PLCXD3: variants seen among roughly 807,000 people sequenced by gnomAD.
The protein encoded by PLCXD3 is PI-PLC X domain-containing protein 3.
Under a neutral mutation model 25.5 loss-of-function variants are expected in PLCXD3, and 19 were observed. The observed-to-expected ratio is 0.75, with a 90% CI of 0.52 to 1.09. The LOEUF (loss-of-function observed/expected upper bound fraction) is 1.09, where lower values mean the gene tolerates loss of function less well. Ranked by LOEUF, PLCXD3 falls within the 50% of genes least tolerant of loss-of-function variation. The pLI, the probability that PLCXD3 is intolerant of heterozygous loss-of-function variation, is 0.00. For synonymous variants in PLCXD3, 174 were observed against 137.6 expected, an observed-to-expected ratio of 1.26 and a Z score of -1.85; for missense variants, 411 against 388.1, an observed-to-expected ratio of 1.06 and a Z score of -0.50.
At chr5:41,504,187 T>C (rs1226222619) in intron 1 of PLCXD3, among the ~76,000 whole-genome samples, 1 of 152,080 alleles carries the variant, frequency 6.6e-6, no homozygotes, top group African/African-American at 2.4e-5. Flanking sequence ...CCACTCTAGA[T>C]TTGTCTAAAG....
Position 41,483,889 on chromosome 5 carries a change from A to T in PLCXD3, c.103+26535T>A, listed in dbSNP as rs989511449. Among the ~76,000 whole-genome samples, 35 of 152,120 alleles carry T rather than the reference A, an allele frequency of 2.3e-4. 1 individual carries two copies. Among genetic ancestry groups the T allele is most frequent in the African/African-American group, 7.7e-4 (32 of 41,426 alleles). On this transcript the variant is annotated intron_variant, in intron 1 of 2. Coordinates refer to ENST00000377801, the MANE Select transcript of PLCXD3 (RefSeq NM_001005473.3). ...CTCCCCTATCCAAAATACTGTCAAC[A>T]CCACTAACACACACAAAATTAAATG...
chr5:41,413,364 G>T (rs1746610947), intron 1 of PLCXD3, among the ~76,000 whole-genome samples: 1 of 152,180 alleles, frequency 6.6e-6, no homozygotes, highest in Non-Finnish European at 1.5e-5. Flanking sequence ...GAACTTGGAA[G>T]AGTCATTTCA....
In PLCXD3 at chr5:41,382,275, G is replaced by T; in HGVS notation, c.363C>A (p.Val121=). The change falls in exon 2 of 3, where the codon GTC becomes GTA. Residue 121 remains valine, a synonymous_variant. Transcript: ENST00000377801. ...YFAHGLFSAK[V]NEGLEEINAF... is the part of the protein sequence containing the mutation. ...CATTGATCTCCTCAAGGCCTTCATT[G>T]ACTTTGGCACTGAACAAACCATGAG... 1 of 1,613,674 alleles carries T rather than the reference G, an allele frequency of 6.2e-7. No individual in the cohort carries two copies. Among genetic ancestry groups the T allele is most frequent in the Non-Finnish European group, 8.5e-7 (1 of 1,179,748 alleles).
intron 1 of PLCXD3, among the ~76,000 whole-genome samples, chr5:41,441,934 G>A (rs1224085361): frequency 2.6e-5 from 4 of 152,150 alleles, no homozygotes; most frequent in African/African-American, 9.7e-5. Context: ...TTTTGTAGAG[G>A]TCTCAATTGT....
intron 1 of PLCXD3, among the ~76,000 whole-genome samples, chr5:41,453,596 A>G (rs907684742): frequency 6.6e-5 from 10 of 152,002 alleles, no homozygotes; most frequent in Admixed American, 6.6e-4. Context: ...TTGGACTAAA[A>G]TAAGTGTTTT....
At chr5:41,432,373 A>G (rs1226945735) in intron 1 of PLCXD3, among the ~76,000 whole-genome samples, 1 of 152,198 alleles carries the variant, frequency 6.6e-6, no homozygotes, top group Admixed American at 6.5e-5. Flanking sequence ...TTCTTTGGCT[A>G]TCACTGTTTT....
At position 41,382,418 on chromosome 5, in the gene PLCXD3, G is replaced by A. The variant is rs757112105; in HGVS notation, c.220C>T (p.Arg74Trp). ...ATTGTCTGAGTGGCTAACCATTTCC[G>A]CATGAGCTTTTTGGCCACAGTTCCA... Reference protein sequence around the residue: ...VFGTVAKKLMRKWLATQTMNF... With the variant: ...VFGTVAKKLMWKWLATQTMNF... Residue 74 changes from arginine (R) to tryptophan (W), a missense_variant, in exon 2 of 3, where the codon CGG becomes TGG. Arg to Trp is a moderately radical substitution (Grantham distance 101). Transcript: ENST00000377801. 12 of 1,613,298 alleles carry A rather than the reference G, an allele frequency of 7.4e-6. No homozygotes were observed. Among genetic ancestry groups the A allele is most frequent in the East Asian group, 2.2e-5 (1 of 44,826 alleles).
chr5:41,410,302 GC>G (rs1362811496), intron 1 of PLCXD3, among the ~76,000 whole-genome samples: 1 of 151,512 alleles, frequency 6.6e-6, no homozygotes, highest in African/African-American at 2.4e-5. Context: ...CCCACGCCTG[GC>G]TAATTTTTTT....
At chr5:41,333,380 T>A (rs1007989011) in intron 2 of PLCXD3, among the ~76,000 whole-genome samples, 1 of 152,138 alleles carries the variant, frequency 6.6e-6, no homozygotes, top group African/African-American at 2.4e-5. Context: ...AAGAAGAGAA[T>A]GACAACATGA....
Position 41,313,976 on chromosome 5 carries a change from G to A in PLCXD3, c.813-206C>T, listed in dbSNP as rs567224677. Among the ~76,000 whole-genome samples the A allele has an allele frequency of 1.7e-4, 26 of 152,196 alleles. 1 individual carries two copies. The East Asian group carries it at 1.7e-3, about 10-fold the overall frequency. Reference sequence around the variant, plus strand: ...GGAGAAATATTCACTATATTGATCCGTATTGGAGTTCTCATCTCGGCAGAT... The same window carrying A: ...GGAGAAATATTCACTATATTGATCCATATTGGAGTTCTCATCTCGGCAGAT... On this transcript the variant is annotated intron_variant, in intron 2 of 2. Coordinates refer to ENST00000377801, the MANE Select transcript of PLCXD3 (RefSeq NM_001005473.3).
chr5:41,506,541 C>A (rs896555912), intron 1 of PLCXD3, among the ~76,000 whole-genome samples: 6 of 151,978 alleles, frequency 3.9e-5, no homozygotes, highest in Non-Finnish European at 5.9e-5. Flanking sequence ...ACAATTAGAC[C>A]CAGTCCCAGA....
chr5:41,378,366 G>C (rs933751855), intron 2 of PLCXD3, among the ~76,000 whole-genome samples: 4 of 152,118 alleles, frequency 2.6e-5, no homozygotes, highest in African/African-American at 4.8e-5. Flanking sequence ...CCACTGGAGA[G>C]TGCCAGCACA....
chr5:41,493,411 C>A (rs574816435), intron 1 of PLCXD3, among the ~76,000 whole-genome samples: 1 of 152,212 alleles, frequency 6.6e-6, no homozygotes, highest in African/African-American at 2.4e-5. Context: ...AGGCAGTCTG[C>A]CCGTTCTCAG....
intron 1 of PLCXD3, among the ~76,000 whole-genome samples, chr5:41,419,083 T>C (rs980060166): frequency 1.5e-4 from 23 of 152,028 alleles, no homozygotes; most frequent in African/African-American, 5.6e-4. Context: ...ACTTGGTATA[T>C]GTTAGAAACA....
chr5:41,344,784 T>C (rs1387140092), intron 2 of PLCXD3, among the ~76,000 whole-genome samples: 1 of 152,122 alleles, frequency 6.6e-6, no homozygotes. Context: ...ATCTAAATTC[T>C]CTTTTACTTC....
At chr5:41,504,961 T>G (rs1455616189) in intron 1 of PLCXD3, among the ~76,000 whole-genome samples, 1 of 152,158 alleles carries the variant, frequency 6.6e-6, no homozygotes, top group Non-Finnish European at 1.5e-5. Flanking sequence ...GAACACTATG[T>G]TTTGTGTCAG....
intron 1 of PLCXD3, among the ~76,000 whole-genome samples, chr5:41,503,791 CTT>C (rs1216639130): frequency 3.3e-5 from 5 of 152,284 alleles, no homozygotes; most frequent in African/African-American, 9.6e-5. Flanking sequence ...CTATAAACTT[CTT>C]GAGGACATTA....
At chr5:41,485,152 G>A (rs1748491407) in intron 1 of PLCXD3, among the ~76,000 whole-genome samples, 1 of 152,106 alleles carries the variant, frequency 6.6e-6, no homozygotes, top group African/African-American at 2.4e-5. Context: ...ATCTTATGAA[G>A]ACGGACACTA....
intron 2 of PLCXD3, among the ~76,000 whole-genome samples, chr5:41,314,704 AAG>A (rs776749740): frequency 6.6e-6 from 1 of 152,156 alleles, no homozygotes; most frequent in African/African-American, 2.4e-5. Flanking sequence ...TAGAGAAAAG[AAG>A]AGAGTAGTAA....
Sources: allele counts gnomAD v4.1 joint callset (sites outside exome capture counted in the v4.1 genomes callset), GRCh38; gene constraint gnomAD v4.1.1; transcripts MANE v1.5; gene names NCBI Gene and HGNC (gene_info 2026-07-23, HGNC 2026-07-21).